The following LILRA2 variants were observed in gnomAD, a reference collection of about 807,000 sequenced individuals.
LILRA2 encodes the protein leukocyte immunoglobulin like receptor A2.
In LILRA2, 45 loss-of-function variants were observed where a neutral mutation model predicts 47.9. The ratio of observed to expected loss-of-function variants is 0.94; its 90% CI spans 0.74 to 1.20. The LOEUF (loss-of-function observed/expected upper bound fraction) is 1.20, where lower values mean the gene tolerates loss of function less well. Ranked by LOEUF, LILRA2 falls within the 50% of genes most tolerant of loss-of-function variation. The probability of loss-of-function intolerance (pLI) is 0.00; values close to 1 mark genes in which losing one functional copy is unlikely to be tolerated. For missense variants in LILRA2, 651 were observed against 598.2 expected, an observed-to-expected ratio of 1.09 and a Z score of -0.92; for synonymous variants, 279 against 249.2, an observed-to-expected ratio of 1.12 and a Z score of -1.13.
At chr19:54,582,818 G>A (rs1600229911) in intron 6 of LILRA2, among the ~76,000 whole-genome samples, 1 of 152,182 alleles carries the variant, frequency 6.6e-6, no homozygotes. Flanking sequence ...CCTTCTGCTA[G>A]CTTTTGAATT....
rs2062847330 is a variant in LILRA2 at position 54,587,395 on chromosome 19, A to C, written c.*49A>C. 6.2e-7 allele frequency: 1 copy of C among 1,612,316 alleles called. No homozygotes were observed. Among genetic ancestry groups the C allele is most frequent in the Non-Finnish European group, 8.5e-7 (1 of 1,178,968 alleles). On this transcript the variant is annotated 3_prime_UTR_variant, in exon 8 of 8. Transcript: ENST00000391738. ...TTCAGCGTGGTGGAGCCTCAGGGAC[A>C]GATCTGATGATCCCAGGAGGCTCTG... is the stretch of plus-strand genomic sequence containing the variant.
rs150311853 is a variant in LILRA2 at position 54,576,022 on chromosome 19, G to A, written c.1168G>A (p.Val390Met). ...FRMGPVTSAH[V>M]GTYRCYSSLS... Reference sequence around the variant, plus strand: ...CATGGGTCCTGTGACCTCAGCCCACGTGGGGACCTACAGATGCTACAGCTC... The same window carrying A: ...CATGGGTCCTGTGACCTCAGCCCACATGGGGACCTACAGATGCTACAGCTC... The change falls in exon 6 of 8, where the codon GTG becomes ATG. Residue 390 changes from valine to methionine, a missense_variant. Transcript: ENST00000391738. The A allele has an allele frequency of 3.5e-5, 57 of 1,613,792 alleles. 1 individual carries two copies. The highest frequency in any genetic ancestry group is 4.5e-5 in the East Asian group (2 of 44,852).
At chr19:54,573,789 C>T, upstream of LILRA2, 2 of 1,606,666 alleles carry the variant, frequency 1.2e-6, no homozygotes, top group Non-Finnish European at 1.7e-6. Context: ...AAGGATCCAG[C>T]CTCCGAGTGT....
Position 54,575,925 on chromosome 19 carries a change from G to A in LILRA2, c.1071G>A (p.Lys357=). ...RGQFHTFLLT[K]EGAGHPPLHL... ...AGTTCCACACTTTCCTTCTGACCAA[G>A]GAGGGGGCAGGCCATCCCCCACTGC... The change falls in exon 6 of 8, where the codon AAG becomes AAA. Residue 357 remains lysine (K), a synonymous_variant. Coordinates refer to ENST00000391738, the MANE Select transcript of LILRA2 (RefSeq NM_001130917.3). 6.2e-7 allele frequency: 1 copy of A among 1,614,014 alleles called. No individual in the cohort carries two copies. Among genetic ancestry groups the A allele is most frequent in the Non-Finnish European group, 8.5e-7 (1 of 1,179,972 alleles).
Position 54,577,678 on chromosome 19 carries a change from C to G in LILRA2, c.1255+1569C>G, listed in dbSNP as rs567021295. ...TGGAGGCCTCTGTGCTCAGGGCATC[C>G]CTGAGAATAAGGAGGGGCCCTGCAC... On this transcript the variant is annotated intron_variant, in intron 6 of 7. Coordinates refer to ENST00000391738, the MANE Select transcript of LILRA2 (RefSeq NM_001130917.3). 1.4e-5 allele frequency: 18 copies of G among 1,287,132 alleles called. No individual in the cohort carries two copies. The South Asian group carries it at 2.2e-4, about 16-fold the overall frequency. 79.7% of individuals were successfully genotyped at this position (1,287,132 alleles called of 1,614,324 possible). A position where few individuals can be genotyped will look rare whatever the true frequency, so the allele number is the denominator to read the frequency against.
In LILRA2 at chr19:54,585,308, G is replaced by C. The variant is rs561099775; in HGVS notation, c.1256-1702G>C. Among the ~76,000 whole-genome samples the C allele has an allele frequency of 2.6e-5, 4 of 152,344 alleles. No homozygotes were observed. In the East Asian group the frequency reaches 5.8e-4, roughly 22 times the overall value. ...ATGCGGTGCTGAGAGAACCACTGCTGTCTTCAGGGCTATCAGACAGGGACG... is the reference window on the plus strand; with the variant it reads ...ATGCGGTGCTGAGAGAACCACTGCTCTCTTCAGGGCTATCAGACAGGGACG... On this transcript the variant is annotated intron_variant, in intron 6 of 7. Transcript: ENST00000391738.
chr19:54,585,931 A>G (rs112333521), intron 6 of LILRA2, among the ~76,000 whole-genome samples: 18 of 152,328 alleles, frequency 1.2e-4, no homozygotes, highest in African/African-American at 4.3e-4. Context: ...AAAGAAGGAT[A>G]GGTATCCATG....
Position 54,587,787 on chromosome 19 carries a change from CAGG to C in LILRA2, c.*444_*446del, listed in dbSNP as rs374277801. 5.2e-3 allele frequency: 886 copies of C among 171,062 alleles called. No homozygotes were observed. In the South Asian group the frequency reaches 0.087, roughly 17 times the overall value. 10.6% of individuals were successfully genotyped at this position (171,062 alleles called of 1,614,324 possible). On this transcript the variant is annotated 3_prime_UTR_variant, in exon 8 of 8. Transcript: ENST00000391738. The stretch of plus-strand genomic sequence containing the variant: ...CCTGAACCACCAACTAAATCAACGA[CAGG>C]AGATCAGATTCCAACCAGGAAAACA...
chr19:54,584,653 T>G (rs185209744), intron 6 of LILRA2, among the ~76,000 whole-genome samples: 1 of 152,314 alleles, frequency 6.6e-6, no homozygotes, highest in Non-Finnish European at 1.5e-5. Flanking sequence ...CTACACGGTT[T>G]ATTGTAGTTA....
Position 54,575,424 on chromosome 19 carries a change from T to A in LILRA2, c.824T>A (p.Leu275His). 1 of 1,613,718 alleles carries A rather than the reference T, an allele frequency of 6.2e-7. No individual in the cohort carries two copies. The change falls in exon 5 of 8, where the codon CTC becomes CAC. Residue 275 changes from leucine to histidine, a missense_variant. By Grantham distance (99) the Leu-to-His change is moderately conservative (BLOSUM62 -3). Coordinates refer to ENST00000391738, the MANE Select transcript of LILRA2 (RefSeq NM_001130917.3). ...QRPGWQPQAG[L>H]SQANFTLGPV... Reference sequence around the variant, plus strand: ...CCTGGTTGGCAGCCCCAGGCTGGGCTCTCCCAGGCCAACTTCACCCTGGGC... The same window carrying A: ...CCTGGTTGGCAGCCCCAGGCTGGGCACTCCCAGGCCAACTTCACCCTGGGC...
rs2062850509 is a variant in LILRA2, at chr19:54,587,502, A to G, written c.*156A>G. On this transcript the variant is annotated 3_prime_UTR_variant, in exon 8 of 8. Coordinates refer to ENST00000391738, the MANE Select transcript of LILRA2 (RefSeq NM_001130917.3). ...GCAATCAATATTTGAGTGTAAGGAAACTGTCTGGGGTGATTCCTAGAAGAT... is the reference window on the plus strand; with the variant it reads ...GCAATCAATATTTGAGTGTAAGGAAGCTGTCTGGGGTGATTCCTAGAAGAT... The G allele has an allele frequency of 3.8e-5, 47 of 1,228,134 alleles. No individual in the cohort carries two copies. The South Asian group carries it at 6.9e-4, about 18-fold the overall frequency. The allele number at this position is 1,228,134 out of a possible 1,614,324, so 76.1% of individuals were successfully genotyped here. A position where few individuals can be genotyped will look rare whatever the true frequency, so the allele number is the denominator to read the frequency against.
At chr19:54,577,609 C>T in intron 6 of LILRA2, 1 of 1,289,666 alleles carries the variant, frequency 7.8e-7, no homozygotes, top group Non-Finnish European at 1.0e-6. Context: ...GAGAGAAGCA[C>T]CCCAGCTGTG....
intron 6 of LILRA2, among the ~76,000 whole-genome samples, chr19:54,585,995 A>G (rs1167669706): frequency 6.6e-6 from 1 of 152,184 alleles, no homozygotes; most frequent in Non-Finnish European, 1.5e-5. Context: ...CCCACTAGAG[A>G]ATGGCTCCTT....
chr19:54,574,221 G>GT, intron 2 of LILRA2, 80 bp from the exon 3 acceptor site: 1 of 1,614,030 alleles, frequency 6.2e-7, no homozygotes. Context: ...TGATGGGGGT[G>GT]TCTGGAGGGT....
intron 6 of LILRA2, chr19:54,577,525 G>T: frequency 7.8e-7 from 1 of 1,289,750 alleles, no homozygotes. Context: ...CTCAAGACAA[G>T]AGAGGAGGCT....
intron 6 of LILRA2, among the ~76,000 whole-genome samples, chr19:54,582,349 G>A (rs1167146459): frequency 6.6e-6 from 1 of 152,262 alleles, no homozygotes; most frequent in East Asian, 1.9e-4. Context: ...CAGAGAGAGT[G>A]GTACCAGCTC....
At position 54,575,538 on chromosome 19, in the gene LILRA2, A is replaced by G. The variant is rs892010653; in HGVS notation, c.938A>G (p.Asp313Gly). ...SEWSAPSDPL[D>G]ILITGQFYDR... ...TGGTCGGCCCCCAGTGACCCCCTGG[A>G]CATCCTGATCACAGGTGAGGAGCCC... The change falls in exon 5 of 8, where the codon GAC (aspartate) becomes GGC (glycine). Residue 313 changes from aspartate to glycine, a missense_variant. Coordinates refer to ENST00000391738, the MANE Select transcript of LILRA2 (RefSeq NM_001130917.3). The G allele has an allele frequency of 9.9e-6, 16 of 1,612,152 alleles. No homozygotes were observed. The highest frequency in any genetic ancestry group is 1.3e-5 in the African/African-American group (1 of 74,836).
chr19:54,587,673 G>A lies in LILRA2; in HGVS notation c.*327G>A, dbSNP rs1048890022. The A allele has an allele frequency of 8.2e-6, 3 of 367,484 alleles. No individual in the cohort carries two copies. Among genetic ancestry groups the A allele is most frequent in the East Asian group, 9.6e-5 (2 of 20,726 alleles). The allele number at this position is 367,484 out of a possible 1,614,324, so 22.8% of individuals were successfully genotyped here. ...CACACACCTGTGTGCTCTGGTCCAC[G>A]GCATGTGACACAGTCTTCCTTATTC... On this transcript the variant is annotated 3_prime_UTR_variant, in exon 8 of 8. Coordinates refer to ENST00000391738, the MANE Select transcript of LILRA2 (RefSeq NM_001130917.3).
Position 54,587,678 on chromosome 19 carries a change from G to C in LILRA2, c.*332G>C, listed in dbSNP as rs144811667. 1 of 352,198 alleles carries C rather than the reference G, an allele frequency of 2.8e-6. No homozygotes were observed. Among genetic ancestry groups the C allele is most frequent in the Non-Finnish European group, 5.3e-6 (1 of 189,958 alleles). 21.8% of individuals were successfully genotyped at this position (352,198 alleles called of 1,614,324 possible). On this transcript the variant is annotated 3_prime_UTR_variant, in exon 8 of 8. Transcript: ENST00000391738. ...ACCTGTGTGCTCTGGTCCACGGCATGTGACACAGTCTTCCTTATTCCTCAT... is the reference window on the plus strand; with the variant it reads ...ACCTGTGTGCTCTGGTCCACGGCATCTGACACAGTCTTCCTTATTCCTCAT...
Sources: allele counts gnomAD v4.1 joint callset (sites outside exome capture counted in the v4.1 genomes callset), GRCh38; gene constraint gnomAD v4.1.1; transcripts MANE v1.5; gene names NCBI Gene and HGNC (gene_info 2026-07-23, HGNC 2026-07-21).